Variants in MYO9A observed in about 807,000 individuals in gnomAD.
The protein encoded by MYO9A is myosin IXA, also known as unconventional myosin-IXa.
Under a neutral mutation model 293.3 loss-of-function variants are expected in MYO9A, and 103 were observed. That is an observed-to-expected ratio of 0.35 (90% CI 0.30 to 0.41). The LOEUF (loss-of-function observed/expected upper bound fraction) is 0.41. Ranked by LOEUF, MYO9A falls within the 10% of genes least tolerant of loss-of-function variation. The pLI, the probability that MYO9A is intolerant of heterozygous loss-of-function variation, is 1.00. For missense variants in MYO9A, 2,685 were observed against 3,033.0 expected, an observed-to-expected ratio of 0.89 and a Z score of 2.69; for synonymous variants, 1,001 against 1,035.7, an observed-to-expected ratio of 0.97 and a Z score of 0.64.
chr15:72,113,052 G>A (rs2080838185), intron 1 of MYO9A, among the ~76,000 whole-genome samples: 1 of 152,158 alleles, frequency 6.6e-6, no homozygotes, highest in Non-Finnish European at 1.5e-5. Flanking sequence ...GCAACACAGT[G>A]AGACCCTATT....
At chr15:71,983,759 A>G (rs989980717) in intron 11 of MYO9A, among the ~76,000 whole-genome samples, 1 of 152,158 alleles carries the variant, frequency 6.6e-6, no homozygotes, top group African/African-American at 2.4e-5. Context: ...CTGGGATTAC[A>G]GGCGTGAGCC....
chr15:71,966,991 A>G (rs1428657261), intron 13 of MYO9A, among the ~76,000 whole-genome samples: 1 of 152,098 alleles, frequency 6.6e-6, no homozygotes, highest in Non-Finnish European at 1.5e-5. Context: ...CCTGTTTTCA[A>G]TTATTTCACC....
rs555851732 is a variant in MYO9A at position 71,893,594 on chromosome 15, T to TG, written c.5142+84dup. ...CTTGGGAGTAAATGGGTAGATGAGG[T>TG]GCTCTACCTACAAGAATAATAATTT... On this transcript the variant is annotated intron_variant, in intron 26 of 41. Coordinates refer to ENST00000356056, the MANE Select transcript of MYO9A (RefSeq NM_006901.4). The TG allele has an allele frequency of 6.8e-5, 71 of 1,039,356 alleles. No homozygotes were observed. In the Middle Eastern group the frequency reaches 1.7e-3, roughly 25 times the overall value. 64.4% of individuals were successfully genotyped at this position (1,039,356 alleles called of 1,614,324 possible).
At chr15:72,091,573 A>ACT (rs760762486) in intron 1 of MYO9A, among the ~76,000 whole-genome samples, 1 of 151,802 alleles carries the variant, frequency 6.6e-6, no homozygotes, top group African/African-American at 2.4e-5. Context: ...TACCTGAACT[A>ACT]CTCTCTCTCT....
intron 4 of MYO9A, 58 bp downstream of exon 4, chr15:72,027,673 G>A: frequency 7.6e-7 from 1 of 1,317,668 alleles, no homozygotes; most frequent in South Asian, 1.3e-5. Context: ...GACCTTAAAA[G>A]TCAGTCTGCG....
At chr15:71,909,980 A>G (rs2057782610) in intron 19 of MYO9A, among the ~76,000 whole-genome samples, 1 of 151,620 alleles carries the variant, frequency 6.6e-6, no homozygotes, top group African/African-American at 2.4e-5. Context: ...TCTCAAAATA[A>G]TGATAATAAT....
chr15:72,073,149 A>G (rs887823528), intron 1 of MYO9A, among the ~76,000 whole-genome samples: 5 of 152,216 alleles, frequency 3.3e-5, no homozygotes, highest in Non-Finnish European at 7.4e-5. Context: ...TGTTCCCACA[A>G]GCTGAAACTA....
At chr15:72,108,217 A>C (rs1360918646) in intron 1 of MYO9A, among the ~76,000 whole-genome samples, 1 of 152,230 alleles carries the variant, frequency 6.6e-6, no homozygotes, top group Non-Finnish European at 1.5e-5. Context: ...ACATAAGCAA[A>C]CACCACCTTA....
intron 4 of MYO9A, among the ~76,000 whole-genome samples, 184 bp downstream of exon 4, chr15:72,027,547 A>G (rs2077711391): frequency 6.6e-6 from 1 of 152,230 alleles, no homozygotes; most frequent in African/African-American, 2.4e-5. Context: ...CTATATACCA[A>G]ATAAAGATCT....
At chr15:71,845,779 T>C (rs1217055224) in intron 39 of MYO9A, among the ~76,000 whole-genome samples, 2 of 152,248 alleles carry the variant, frequency 1.3e-5, no homozygotes, top group African/African-American at 4.8e-5. Flanking sequence ...CAACTTTCTG[T>C]ATGATTAACT....
intron 19 of MYO9A, among the ~76,000 whole-genome samples, chr15:71,913,818 G>C (rs2057930223): frequency 6.6e-6 from 1 of 152,006 alleles, no homozygotes; most frequent in African/African-American, 2.4e-5. Context: ...CTTTACATTA[G>C]GACTATTTTG....
intron 25 of MYO9A, chr15:71,897,260 A>G (rs2057357264): frequency 1.7e-6 from 1 of 582,768 alleles, no homozygotes; most frequent in Non-Finnish European, 3.0e-6. Flanking sequence ...TCTGCTATTC[A>G]TGATCAGTCA....
intron 1 of MYO9A, among the ~76,000 whole-genome samples, chr15:72,069,074 C>T: frequency 6.6e-6 from 1 of 152,234 alleles, no homozygotes; most frequent in Admixed American, 6.5e-5. Context: ...CACTATGCCA[C>T]TTTGCCTTTC....
chr15:71,923,797 C>T (rs570463738), intron 18 of MYO9A, among the ~76,000 whole-genome samples: 9 of 152,224 alleles, frequency 5.9e-5, no homozygotes, highest in South Asian at 4.1e-4. Flanking sequence ...AACACTAACT[C>T]TTAATTTCAT....
intron 12 of MYO9A, among the ~76,000 whole-genome samples, chr15:71,970,158 A>G (rs1039521737): frequency 6.6e-6 from 1 of 152,246 alleles, no homozygotes; most frequent in Admixed American, 6.5e-5. Context: ...ATTTCTAACA[A>G]GAATCAAAGT....
chr15:72,093,187 C>T (rs573020813), intron 1 of MYO9A, among the ~76,000 whole-genome samples: 5 of 152,164 alleles, frequency 3.3e-5, no homozygotes, highest in African/African-American at 9.6e-5. Flanking sequence ...AAGCAACAAA[C>T]AAGCTTGAAA....
At chr15:72,041,569 C>A in intron 2 of MYO9A, 1 of 340,358 alleles carries the variant, frequency 2.9e-6, no homozygotes, top group South Asian at 2.6e-5. Context: ...ATCATGAAGT[C>A]ACTTTTCCGC....
At chr15:72,075,500 T>C (rs1056700159) in intron 1 of MYO9A, among the ~76,000 whole-genome samples, 15 of 151,750 alleles carry the variant, frequency 9.9e-5, no homozygotes, top group African/African-American at 2.9e-4. Context: ...AAGAAGAAAT[T>C]TGGGGGAAAA....
At position 72,003,543 on chromosome 15, in the gene MYO9A, A is replaced by T. The variant is rs573131885; in HGVS notation, c.1381-3603T>A. ...AACCCCGTCTCTACTAAAAATACAT[A>T]AAAAAAAAAAATTAGCCGGACATGG... On this transcript the variant is annotated intron_variant, in intron 8 of 41. Transcript: ENST00000356056. Among the ~76,000 whole-genome samples, 6 of 145,212 alleles carry T rather than the reference A, an allele frequency of 4.1e-5. No individual in the cohort carries two copies. In the East Asian group the frequency reaches 6.0e-4, roughly 15 times the overall value.
Sources: allele counts gnomAD v4.1 joint callset (sites outside exome capture counted in the v4.1 genomes callset), GRCh38; gene constraint gnomAD v4.1.1; transcripts MANE v1.5; gene names NCBI Gene and HGNC (gene_info 2026-07-23, HGNC 2026-07-21).